BLOC1S3: variants seen among roughly 807,000 people sequenced by gnomAD.
BLOC1S3 encodes the protein biogenesis of lysosomal organelles complex 1 subunit 3.
BLOC1S3 carries 7 observed loss-of-function variants against 9.1 expected under a neutral mutation model. The ratio of observed to expected loss-of-function variants is 0.77; its 90% CI spans 0.44 to 1.45. The LOEUF (loss-of-function observed/expected upper bound fraction) is 1.45, where lower values mean the gene tolerates loss of function less well. Ranked by LOEUF, BLOC1S3 falls within the 40% of genes most tolerant of loss-of-function variation. The probability of loss-of-function intolerance (pLI) is 0.01; values close to 1 mark genes in which losing one functional copy is unlikely to be tolerated. For missense variants in BLOC1S3, 307 were observed against 315.2 expected, an observed-to-expected ratio of 0.97 and a Z score of 0.20; for synonymous variants, 145 against 158.4, an observed-to-expected ratio of 0.92 and a Z score of 0.64.
chr19:45,200,427 C>A (rs550307263), intron 2 of BLOC1S3, among the ~76,000 whole-genome samples: 3 of 152,254 alleles, frequency 2.0e-5, no homozygotes, highest in Non-Finnish European at 4.4e-5. Context: ...CGTGATCCAC[C>A]TGCCTCGGCC....
At chr19:45,195,839 C>A (rs1018982946) in intron 2 of BLOC1S3, among the ~76,000 whole-genome samples, 1 of 152,220 alleles carries the variant, frequency 6.6e-6, no homozygotes, top group Non-Finnish European at 1.5e-5. Context: ...AGGTGATCCA[C>A]CCGCCTTGGC....
At chr19:45,182,979 T>C (rs1969537475), downstream of BLOC1S3, among the ~76,000 whole-genome samples, 1 of 151,168 alleles carries the variant, frequency 6.6e-6, no homozygotes, top group Non-Finnish European at 1.5e-5. Flanking sequence ...TGGAAGTAGG[T>C]GAAATGGGAG....
intron 3 of BLOC1S3, among the ~76,000 whole-genome samples, chr19:45,206,462 T>TTTGTTTTTTTTG (rs1568476460): frequency 3.5e-5 from 4 of 115,446 alleles, no homozygotes; most frequent in Admixed American, 1.8e-4. Context: ...TTTTTTTTTT[T>TTTGTTTTTTTTG]TTTTTTTTTT....
rs572296006 is a variant in BLOC1S3 at position 45,179,795 on chromosome 19, C to G, written c.499C>G (p.Leu167Val). Residue 167 changes from leucine to valine, a missense_variant, in exon 2 of 2, where the codon CTT becomes GTT. Transcript: ENST00000433642. The surrounding 1 kb of genome is among the most constrained non-coding windows in gnomAD (Gnocchi z 4.6). ...CAGCGTGCGCCTGGCGCGCGGGGAC[C>G]TTTGTGCGCTGGCCGAGCGTCTGGA... ...AHSVRLARGD[L>V]CALAERLDIV... The G allele has an allele frequency of 6.3e-7, 1 of 1,594,560 alleles. No homozygotes were observed. The highest frequency in any genetic ancestry group is 8.5e-7 in the Non-Finnish European group (1 of 1,173,762).
intron 3 of BLOC1S3, among the ~76,000 whole-genome samples, chr19:45,207,911 G>T (rs985711096): frequency 9.2e-5 from 14 of 151,774 alleles, no homozygotes; most frequent in African/African-American, 2.9e-4. Flanking sequence ...TTTTGATGTT[G>T]TATTACAGTT....
At chr19:45,213,412 C>T in intron 3 of BLOC1S3, 2 of 1,594,268 alleles carry the variant, frequency 1.3e-6, no homozygotes, top group South Asian at 2.2e-5. Flanking sequence ...AGACACACAC[C>T]CAACCCAGCC....
intron 2 of BLOC1S3, among the ~76,000 whole-genome samples, chr19:45,199,309 CTTTTTTTTTTT>C (rs34967306): frequency 2.8e-5 from 2 of 72,474 alleles, no homozygotes; most frequent in African/African-American, 1.2e-4. Context: ...GTGCCTTATT[CTTTTTTTTTTT>C]TTTTTTTTTT....
intron 3 of BLOC1S3, chr19:45,215,960 A>G: frequency 6.8e-7 from 1 of 1,462,266 alleles, no homozygotes; most frequent in African/African-American, 1.4e-5. Context: ...CGGCCGTCAG[A>G]CACGCTCACC....
At position 45,179,440 on chromosome 19, in the gene BLOC1S3, C is replaced by T; in HGVS notation, c.144C>T (p.Arg48=). 6.6e-7 allele frequency: 1 copy of T among 1,525,766 alleles called. No homozygotes were observed. Among genetic ancestry groups the T allele is most frequent in the Non-Finnish European group, 8.8e-7 (1 of 1,142,682 alleles). 94.5% of individuals were successfully genotyped at this position (1,525,766 alleles called of 1,614,324 possible). ...ELYLGPSGPT[R]GRPTGLRVAG... is the part of the protein sequence containing the mutation. ...ACCTGGGTCCTTCGGGCCCGACGCG[C>T]GGCCGCCCCACGGGGCTGCGGGTGG... is the stretch of plus-strand genomic sequence containing the variant. The change falls in exon 2 of 2, where the codon CGC becomes CGT. Residue 48 remains arginine, a synonymous_variant. Transcript: ENST00000433642. The surrounding 1 kb of genome is among the most constrained non-coding windows in gnomAD (Gnocchi z 4.6).
chr19:45,207,446 T>G (rs1235677714), intron 3 of BLOC1S3, among the ~76,000 whole-genome samples: 1 of 151,382 alleles, frequency 6.6e-6, no homozygotes, highest in African/African-American at 2.4e-5. Context: ...CTTGTTTTTT[T>G]AATGGTCACT....
chr19:45,213,039 G>A (rs540315519), intron 3 of BLOC1S3: 33 of 1,458,198 alleles, frequency 2.3e-5, no homozygotes, highest in African/African-American at 1.8e-4. Flanking sequence ...AGCATAGATG[G>A]GGTCACTAAG....
intron 2 of BLOC1S3, among the ~76,000 whole-genome samples, chr19:45,194,842 C>T (rs148548239): frequency 6.6e-6 from 1 of 152,004 alleles, no homozygotes; most frequent in African/African-American, 2.4e-5. Context: ...TGCATCTGAG[C>T]CACTGTCAAT....
At chr19:45,188,485 C>T (rs1381838246) in intron 2 of BLOC1S3, among the ~76,000 whole-genome samples, 1 of 150,668 alleles carries the variant, frequency 6.6e-6, no homozygotes, top group African/African-American at 2.4e-5. Flanking sequence ...CTTTTAGTTA[C>T]TTTAAAATGT....
chr19:45,198,491 G>A (rs182033010), intron 2 of BLOC1S3, among the ~76,000 whole-genome samples: 5 of 152,024 alleles, frequency 3.3e-5, no homozygotes, highest in African/African-American at 7.2e-5. Flanking sequence ...ACAAGGTTTC[G>A]CCATGTTGGC....
chr19:45,215,565 GGATGAT>G (rs369100560), intron 3 of BLOC1S3, among the ~76,000 whole-genome samples: 1 of 152,040 alleles, frequency 6.6e-6, no homozygotes, highest in African/African-American at 2.4e-5. Context: ...CTATAGTCAT[GGATGAT>G]GATGATGATG....
At chr19:45,207,976 A>C (rs1265400369) in intron 3 of BLOC1S3, among the ~76,000 whole-genome samples, 1 of 149,566 alleles carries the variant, frequency 6.7e-6, no homozygotes. Flanking sequence ...ACCACCATGT[A>C]CTTTTTTTTT....
intron 2 of BLOC1S3, chr19:45,199,127 A>G (rs902183832): frequency 3.3e-5 from 5 of 152,080 alleles, no homozygotes; most frequent in African/African-American, 1.2e-4. Context: ...AAATCTGCCT[A>G]GTGTTCTATA....
rs907378758 is a variant in BLOC1S3, at chr19:45,179,591, G to T, written c.295G>T (p.Ala99Ser). The T allele has an allele frequency of 7.4e-6, 11 of 1,480,192 alleles. No individual in the cohort carries two copies. Among genetic ancestry groups the T allele is most frequent in the Non-Finnish European group, 9.8e-6 (11 of 1,122,206 alleles). The allele number at this position is 1,480,192 out of a possible 1,614,324, so 91.7% of individuals were successfully genotyped here. Residue 99 changes from alanine to serine, a missense_variant, in exon 2 of 2, where the codon GCC becomes TCC. Coordinates refer to ENST00000433642, the MANE Select transcript of BLOC1S3 (RefSeq NM_212550.5). This position sits in a 1 kb window ranked among gnomAD's most constrained non-coding sequence, Gnocchi z 4.6. ...SAEEAWGTEE[A>S]PAPAPARSLL... Reference sequence around the variant, plus strand: ...GGAGGAGGCCTGGGGCACGGAGGAGGCCCCGGCGCCCGCCCCCGCGCGCTC... The same window carrying T: ...GGAGGAGGCCTGGGGCACGGAGGAGTCCCCGGCGCCCGCCCCCGCGCGCTC...
At chr19:45,209,977 A>T (rs1014039382) in intron 3 of BLOC1S3, among the ~76,000 whole-genome samples, 1 of 146,874 alleles carries the variant, frequency 6.8e-6, no homozygotes, top group Admixed American at 6.8e-5. Context: ...TGATCCGCCC[A>T]CCTCAGCCAC....
Sources: gnomAD v4.1 joint callset for allele counts (sites outside exome capture counted in the v4.1 genomes callset) on GRCh38, gnomAD v4.1.1 for gene constraint, Gnocchi (gnomAD v3.1) non-coding constraint, MANE v1.5 for transcripts, NCBI Gene and HGNC (gene_info 2026-07-23, HGNC 2026-07-21) for gene names.